Variants in ARHGAP15 observed in about 807,000 individuals in gnomAD.
ARHGAP15 encodes the protein Rho GTPase activating protein 15.
A neutral mutation model predicts 63.7 loss-of-function variants in ARHGAP15; 51 were observed. The observed-to-expected ratio is 0.80, with a 90% CI of 0.64 to 1.01. ARHGAP15 has a LOEUF of 1.01. Among genes scored for constraint, ARHGAP15 ranks in the 50% least tolerant of loss-of-function variants. The pLI is 0.00. For synonymous variants in ARHGAP15, 191 were observed against 193.8 expected, an observed-to-expected ratio of 0.99 and a Z score of 0.12; for missense variants, 560 against 564.6, an observed-to-expected ratio of 0.99 and a Z score of 0.08.
chr2:143,489,737 C>T (rs1559005594), intron 9 of ARHGAP15, among the ~76,000 whole-genome samples: 1 of 152,082 alleles, frequency 6.6e-6, no homozygotes, highest in Non-Finnish European at 1.5e-5. Context: ...TTAGTTTTTG[C>T]AAGCAAAATG....
intron 11 of ARHGAP15, among the ~76,000 whole-genome samples, chr2:143,569,993 C>G (rs1307794441): frequency 6.6e-6 from 1 of 152,144 alleles, no homozygotes; most frequent in Non-Finnish European, 1.5e-5. Flanking sequence ...ATTGTGTTGT[C>G]TTGCCCAAGT....
At chr2:143,180,799 G>T (rs354676) in intron 2 of ARHGAP15, among the ~76,000 whole-genome samples, 34,887 of 151,808 alleles carry the variant, frequency 0.23, 4,501 homozygotes, top group Admixed American at 0.34. Flanking sequence ...TCAGCCTCCC[G>T]AGTAGCTGGG....
chr2:143,654,399 A>ATACTT (rs1263590362), intron 12 of ARHGAP15, among the ~76,000 whole-genome samples: 1 of 152,208 alleles, frequency 6.6e-6, no homozygotes, highest in Non-Finnish European at 1.5e-5. Flanking sequence ...AAAGCATAAT[A>ATACTT]TACTTAGGTT....
At chr2:143,728,992 G>A (rs1017897624) in intron 13 of ARHGAP15, among the ~76,000 whole-genome samples, 1 of 152,200 alleles carries the variant, frequency 6.6e-6, no homozygotes, top group Non-Finnish European at 1.5e-5. Flanking sequence ...TCTCAGTTAC[G>A]CAGACTTAAA....
At chr2:143,173,737 C>T (rs1690894752) in intron 2 of ARHGAP15, among the ~76,000 whole-genome samples, 1 of 152,036 alleles carries the variant, frequency 6.6e-6, no homozygotes, top group Non-Finnish European at 1.5e-5. Flanking sequence ...AGGTTAATGG[C>T]ATATTATATC....
chr2:143,703,368 C>G (rs1684176917), intron 12 of ARHGAP15, 51 bp from the exon 13 acceptor site: 1 of 1,489,250 alleles, frequency 6.7e-7, no homozygotes, highest in Non-Finnish European at 9.2e-7. Context: ...TGTACCTGTA[C>G]CTATGAAATC....
intron 6 of ARHGAP15, among the ~76,000 whole-genome samples, chr2:143,320,786 T>TA (rs1478800310): frequency 6.6e-6 from 1 of 152,152 alleles, no homozygotes; most frequent in Non-Finnish European, 1.5e-5. Context: ...ATTGGGTTTT[T>TA]AAAGCCCTAA....
At chr2:143,637,290 A>T (rs772002177) in intron 12 of ARHGAP15, among the ~76,000 whole-genome samples, 11 of 152,132 alleles carry the variant, frequency 7.2e-5, no homozygotes, top group Middle Eastern at 3.2e-3. Flanking sequence ...TCTTACTATG[A>T]TAAAATATTT....
chr2:143,767,940 C>T, intron 13 of ARHGAP15, 49 bp from the exon 14 acceptor site: 4 of 1,557,746 alleles, frequency 2.6e-6, no homozygotes, highest in Non-Finnish European at 3.5e-6. Flanking sequence ...GTAGCCATAA[C>T]TTCACTTCAA....
chr2:143,599,176 T>C (rs1252470384), intron 11 of ARHGAP15, among the ~76,000 whole-genome samples: 2 of 152,128 alleles, frequency 1.3e-5, no homozygotes, highest in African/African-American at 4.8e-5. Context: ...AAGAATTGTT[T>C]GCTATGGAGT....
chr2:143,728,552 T>TGTAA (rs1574899889), intron 13 of ARHGAP15, among the ~76,000 whole-genome samples: 1 of 152,204 alleles, frequency 6.6e-6, no homozygotes, highest in East Asian at 1.9e-4. Flanking sequence ...AATTAATATT[T>TGTAA]GTAAGTCTGG....
intron 6 of ARHGAP15, among the ~76,000 whole-genome samples, chr2:143,268,484 A>C (rs1348503693): frequency 6.6e-6 from 1 of 152,174 alleles, no homozygotes; most frequent in African/African-American, 2.4e-5. Flanking sequence ...ATATGGCTGC[A>C]AATTGGAGCA....
intron 6 of ARHGAP15, among the ~76,000 whole-genome samples, chr2:143,353,066 T>G (rs1214997390): frequency 6.6e-6 from 1 of 151,362 alleles, no homozygotes; most frequent in East Asian, 1.9e-4. Flanking sequence ...TTAAAGAAAC[T>G]TTTTTTTTCA....
intron 6 of ARHGAP15, among the ~76,000 whole-genome samples, chr2:143,380,205 A>G (rs1355181350): frequency 6.6e-6 from 1 of 152,122 alleles, no homozygotes; most frequent in East Asian, 1.9e-4. Context: ...TTAATCTACT[A>G]TTTGAAGTAA....
intron 10 of ARHGAP15, among the ~76,000 whole-genome samples, chr2:143,535,617 T>C (rs1694720081): frequency 6.6e-6 from 1 of 152,208 alleles, no homozygotes; most frequent in African/African-American, 2.4e-5. Context: ...TGGCATAAAA[T>C]CCAAGTCTTC....
intron 6 of ARHGAP15, among the ~76,000 whole-genome samples, chr2:143,411,426 C>T (rs1376085691): frequency 7.1e-6 from 1 of 140,776 alleles, no homozygotes; most frequent in Non-Finnish European, 1.5e-5. Flanking sequence ...ACTTTTCTAT[C>T]AAAACAAACA....
intron 6 of ARHGAP15, among the ~76,000 whole-genome samples, chr2:143,374,307 A>ATTAGTGT (rs2104923304): frequency 6.6e-6 from 1 of 152,232 alleles, no homozygotes; most frequent in East Asian, 1.9e-4. Context: ...ACCTGGAGCC[A>ATTAGTGT]CACTATTTGG....
chr2:143,577,837 AG>A (rs1200779083), intron 11 of ARHGAP15, among the ~76,000 whole-genome samples: 1 of 152,152 alleles, frequency 6.6e-6, no homozygotes, highest in East Asian at 1.9e-4. Flanking sequence ...CAGTATAAGG[AG>A]GGGGATACTC....
chr2:143,655,148 G>A (rs922354937), intron 12 of ARHGAP15, among the ~76,000 whole-genome samples: 4 of 152,102 alleles, frequency 2.6e-5, no homozygotes, highest in Admixed American at 2.6e-4. Flanking sequence ...TTTCCCATAA[G>A]TTATTGGGGT....
Sources: allele counts gnomAD v4.1 joint callset (sites outside exome capture counted in the v4.1 genomes callset), GRCh38; gene constraint gnomAD v4.1.1; transcripts MANE v1.5; gene names NCBI Gene and HGNC (gene_info 2026-07-23, HGNC 2026-07-21).